WDR53: variants seen among roughly 807,000 people sequenced by gnomAD.
WDR53 encodes WD repeat domain 53, also known as WD repeat-containing protein 53.
A neutral mutation model predicts 21.3 loss-of-function variants in WDR53; 19 were observed. The observed-to-expected ratio is 0.89, with a 90% CI of 0.62 to 1.31. WDR53 has a LOEUF of 1.31. WDR53 is among the 50% of genes most tolerant of loss of function. The pLI is 0.00. For synonymous variants in WDR53, 157 were observed against 163.4 expected (o/e 0.96, Z 0.30); for missense variants, 374 against 423.2 (o/e 0.88, Z 1.02).
At chr3:196,567,717 G>A (rs1735549617) in intron 1 of WDR53, among the ~76,000 whole-genome samples, 1 of 151,198 alleles carries the variant, frequency 6.6e-6, no homozygotes, top group South Asian at 2.1e-4. Context: ...GGCCACCTAG[G>A]AAATCGTAGT....
intron 3 of WDR53, 150 bp from the exon 4 acceptor site, chr3:196,554,957 C>A: frequency 1.5e-6 from 1 of 649,584 alleles, no homozygotes. Context: ...TAATCAAATG[C>A]TGCCATAACA....
In WDR53 at chr3:196,554,185, C is replaced by T. The variant is rs1734094416; in HGVS notation, c.*26G>A. The T allele has an allele frequency of 6.1e-6, 9 of 1,480,382 alleles. No individual in the cohort carries two copies. The highest frequency in any genetic ancestry group is 1.8e-4 in the Middle Eastern group (1 of 5,568). The allele number at this position is 1,480,382 out of a possible 1,614,324, so 91.7% of individuals were successfully genotyped here. On this transcript the variant is annotated 3_prime_UTR_variant, in exon 4 of 4. Transcript: ENST00000332629. ...TTTAATCTGAAAAACAGTTTTGCCA[C>T]AATTCTTCAAATGTTTTTATTGGAT...
At chr3:196,558,821 C>A (rs1216104234) in intron 3 of WDR53, among the ~76,000 whole-genome samples, 1 of 152,230 alleles carries the variant, frequency 6.6e-6, no homozygotes, top group African/African-American at 2.4e-5. Flanking sequence ...TTAAGGAAGT[C>A]ATTTCTTAAA....
At chr3:196,563,307 C>T (rs989713782) in intron 2 of WDR53, among the ~76,000 whole-genome samples, 2 of 152,140 alleles carry the variant, frequency 1.3e-5, no homozygotes, top group Non-Finnish European at 2.9e-5. Flanking sequence ...ACCGGCCTGC[C>T]GTGCCCGCCT....
chr3:196,554,394 C>A lies in WDR53; in HGVS notation c.894G>T (p.Gln298His), dbSNP rs752174964. 2 of 1,614,118 alleles carry A rather than the reference C, an allele frequency of 1.2e-6. No homozygotes were observed. The highest frequency in any genetic ancestry group is 1.7e-5 in the Admixed American group (1 of 59,994). ...TTACTGAAGCGTTAGTATTTCCACC[C>A]TGCTTGGTGCAAGTTCCTCTTTTAG... ...KKPKRGTCTK[Q>H]GGNTNASVTD... The change falls in exon 4 of 4, where the codon CAG (glutamine) becomes CAT (histidine). Residue 298 changes from glutamine to histidine, a missense_variant. Physicochemically the swap from Gln to His is conservative, Grantham distance 24. Transcript: ENST00000332629.
intron 2 of WDR53, among the ~76,000 whole-genome samples, chr3:196,563,015 A>T (rs1168480512): frequency 1.3e-5 from 2 of 151,412 alleles, no homozygotes; most frequent in East Asian, 3.9e-4. Flanking sequence ...ATTTTATTAA[A>T]TTTTTTTTTG....
In WDR53 at chr3:196,567,072, C is replaced by A; in HGVS notation, c.-212G>T. ...CTGCACTAGTCATACCACCACCGTC[C>A]CGTTCAAGAGTCTGTGCCTCTAAGG... On this transcript the variant is annotated 5_prime_UTR_variant, in exon 2 of 4. Coordinates refer to ENST00000332629, the MANE Select transcript of WDR53 (RefSeq NM_182627.3). The A allele has an allele frequency of 2.2e-6, 1 of 445,218 alleles. No homozygotes were observed. The highest frequency in any genetic ancestry group is 4.5e-6 in the Non-Finnish European group (1 of 221,134). 27.6% of individuals were successfully genotyped at this position (445,218 alleles called of 1,614,324 possible). A position where few individuals can be genotyped will look rare whatever the true frequency, so the allele number is the denominator to read the frequency against.
At chr3:196,566,450 G>T (rs962359538) in intron 2 of WDR53, among the ~76,000 whole-genome samples, 3 of 148,006 alleles carry the variant, frequency 2.0e-5, no homozygotes, top group Non-Finnish European at 3.0e-5. Context: ...TTTCGCTCTC[G>T]TCGCCCAGGC....
chr3:196,567,560 C>T (rs1452857647), intron 1 of WDR53, among the ~76,000 whole-genome samples: 2 of 152,120 alleles, frequency 1.3e-5, no homozygotes, highest in Non-Finnish European at 2.9e-5. Flanking sequence ...TTTAATTACT[C>T]AGCTCATGGA....
intron 2 of WDR53, among the ~76,000 whole-genome samples, chr3:196,562,105 A>G (rs1734931731): frequency 6.6e-6 from 1 of 152,206 alleles, no homozygotes; most frequent in South Asian, 2.1e-4. Context: ...AAGCGGCATT[A>G]CATACACTGC....
intron 2 of WDR53, among the ~76,000 whole-genome samples, chr3:196,564,825 G>A (rs1735226872): frequency 6.6e-6 from 1 of 152,124 alleles, no homozygotes; most frequent in Non-Finnish European, 1.5e-5. Flanking sequence ...TGGGATTTTA[G>A]GTTTTCTCTG....
intron 3 of WDR53, 48 bp from the exon 4 acceptor site, chr3:196,554,855 T>A (rs1385477890): frequency 2.0e-6 from 3 of 1,484,970 alleles, no homozygotes; most frequent in Non-Finnish European, 2.8e-6. Flanking sequence ...CTAGCCAATT[T>A]GCTCAACTAT....
Position 196,561,222 on chromosome 3 carries a change from T to A in WDR53, c.254A>T (p.Asp85Val). 5 of 1,614,172 alleles carry A rather than the reference T, an allele frequency of 3.1e-6. No homozygotes were observed. Among genetic ancestry groups the A allele is most frequent in the Non-Finnish European group, 4.2e-6 (5 of 1,180,038 alleles). The change falls in exon 3 of 4, where the codon GAT (aspartate) becomes GTT (valine). Residue 85 changes from aspartate (D) to valine (V), a missense_variant. Transcript: ENST00000332629. ...ISVLDVRSLK[D>V]SLDHFHVNEE... ...ATTCACATGAAAATGGTCCAAGGAA[T>A]CTTTGAGGGACCTGACATCCAGTAC...
At chr3:196,568,139 C>A (rs190692856) in intron 1 of WDR53, among the ~76,000 whole-genome samples, 1 of 152,282 alleles carries the variant, frequency 6.6e-6, no homozygotes, top group African/African-American at 2.4e-5. Flanking sequence ...TTAATTAGCG[C>A]TCAAATGGCA....
chr3:196,559,066 A>C (rs144907771), intron 3 of WDR53, among the ~76,000 whole-genome samples: 2 of 152,222 alleles, frequency 1.3e-5, no homozygotes, highest in Non-Finnish European at 2.9e-5. Flanking sequence ...TGAAAAGTAC[A>C]CATCACTTTT....
intron 3 of WDR53, among the ~76,000 whole-genome samples, chr3:196,558,152 T>G (rs932574334): frequency 1.3e-5 from 2 of 152,152 alleles, no homozygotes; most frequent in African/African-American, 4.8e-5. Context: ...CAGTCTCACG[T>G]GTCTTAAAGA....
At chr3:196,566,556 G>A (rs142056293) in intron 2 of WDR53, among the ~76,000 whole-genome samples, 167 of 152,118 alleles carry the variant, frequency 1.1e-3, no homozygotes, top group African/African-American at 3.8e-3. Context: ...TGGAACTACA[G>A]GCATGCACCA....
chr3:196,566,974 CA>C lies in WDR53; in HGVS notation c.-115del. ...GTAAGAATGACAACATCGCATCCTT[CA>C]AAGGCTCTGCCTCGGCTGCACTGAG... On this transcript the variant is annotated 5_prime_UTR_variant, in exon 2 of 4. The change abolishes the stop of an existing upstream ORF in the 5' untranslated region. Coordinates refer to ENST00000332629, the MANE Select transcript of WDR53 (RefSeq NM_182627.3). The C allele has an allele frequency of 3.4e-6, 1 of 292,152 alleles. No homozygotes were observed. The highest frequency in any genetic ancestry group is 6.9e-6 in the Non-Finnish European group (1 of 144,836). 18.1% of individuals were successfully genotyped at this position (292,152 alleles called of 1,614,324 possible). A position where few individuals can be genotyped will look rare whatever the true frequency, so the allele number is the denominator to read the frequency against.
chr3:196,558,379 G>A (rs1196178275), intron 3 of WDR53, among the ~76,000 whole-genome samples: 1 of 151,742 alleles, frequency 6.6e-6, no homozygotes, highest in East Asian at 1.9e-4. Flanking sequence ...GCTAATTTTC[G>A]TATTTTCGGT....
Sources: gnomAD v4.1 joint callset for allele counts (sites outside exome capture counted in the v4.1 genomes callset) on GRCh38, gnomAD v4.1.1 for gene constraint, MANE v1.5 for transcripts, NCBI Gene and HGNC (gene_info 2026-07-23, HGNC 2026-07-21) for gene names.